HADHB: variants seen among roughly 807,000 people sequenced by gnomAD.
HADHB encodes the protein hydroxyacyl-CoA dehydrogenase trifunctional multienzyme complex subunit beta.
HADHB carries 50 observed loss-of-function variants against 61.9 expected under a neutral mutation model. The observed-to-expected ratio is 0.81, with a 90% CI of 0.64 to 1.02. The LOEUF is 1.02. Ranked by LOEUF, HADHB falls within the 50% of genes least tolerant of loss-of-function variation. HADHB has a pLI of 0.00. For synonymous variants in HADHB, 191 were observed against 201.6 expected (o/e 0.95, Z 0.45); for missense variants, 504 against 586.5 (o/e 0.86, Z 1.45).
chr2:26,248,831 C>G (rs1481839160), intron 1 of HADHB, among the ~76,000 whole-genome samples: 1 of 152,102 alleles, frequency 6.6e-6, no homozygotes, highest in Non-Finnish European at 1.5e-5. Flanking sequence ...CAGAGGCGGG[C>G]GGATCACCTG....
At position 26,289,955 on chromosome 2, in the gene HADHB, A is replaced by G; in HGVS notation, c.*2A>G. ...ATAGTGGAAGCTTATCCAAAATAAT[A>G]GATCCAGAAGAAGTGACCTGAAGTT... is the stretch of plus-strand genomic sequence containing the variant. On this transcript the variant is annotated 3_prime_UTR_variant, in exon 16 of 16. Coordinates refer to ENST00000317799, the MANE Select transcript of HADHB (RefSeq NM_000183.3). 6.2e-7 allele frequency: 1 copy of G among 1,601,720 alleles called. No homozygotes were observed. Among genetic ancestry groups the G allele is most frequent in the East Asian group, 2.2e-5 (1 of 44,818 alleles).
intron 4 of HADHB, among the ~76,000 whole-genome samples, chr2:26,266,886 A>AG (rs1245361262): frequency 1.5e-4 from 23 of 150,118 alleles, no homozygotes; most frequent in African/African-American, 5.6e-4. Flanking sequence ...AAAAAAAAAA[A>AG]AAAAAAAAGG....
chr2:26,271,782 A>C (rs1049314046), intron 5 of HADHB, among the ~76,000 whole-genome samples: 2 of 151,652 alleles, frequency 1.3e-5, no homozygotes, highest in African/African-American at 4.8e-5. Flanking sequence ...CCATCTCTAC[A>C]AAAAAAAATT....
At chr2:26,284,227 A>G (rs1321846872) in intron 13 of HADHB, 23 bp downstream of exon 13, 7 of 1,174,924 alleles carry the variant, frequency 6.0e-6, no homozygotes, top group East Asian at 2.3e-5. Flanking sequence ...AAAGACACAT[A>G]TGAAGGGACT....
intron 3 of HADHB, among the ~76,000 whole-genome samples, chr2:26,262,077 C>T (rs922900930): frequency 2.6e-5 from 4 of 152,138 alleles, no homozygotes; most frequent in Non-Finnish European, 4.4e-5. Flanking sequence ...ATGCTGCCAG[C>T]GTCATCTTTA....
intron 15 of HADHB, 146 bp from the exon 16 acceptor site, chr2:26,289,772 C>A: frequency 1.3e-6 from 1 of 747,884 alleles, no homozygotes; most frequent in East Asian, 2.5e-5. Context: ...AGACTGACTA[C>A]AAACTTTCCC....
chr2:26,261,143 G>A, intron 3 of HADHB: 1 of 760,374 alleles, frequency 1.3e-6, no homozygotes, highest in Non-Finnish European at 2.2e-6. Context: ...CTTTGGCAGG[G>A]ACTGTAAGCA....
chr2:26,278,896 T>C, intron 8 of HADHB, 95 bp downstream of exon 8: 1 of 1,130,726 alleles, frequency 8.8e-7, no homozygotes, highest in Admixed American at 1.7e-5. Context: ...GTAGATTCTG[T>C]AGTTACAGGA....
At chr2:26,251,498 T>C (rs977908703) in intron 1 of HADHB, among the ~76,000 whole-genome samples, 1 of 152,226 alleles carries the variant, frequency 6.6e-6, no homozygotes, top group African/African-American at 2.4e-5. Flanking sequence ...TAGAAAGTTT[T>C]GTTATCTGTT....
At chr2:26,278,446 G>A (rs1672646314) in intron 7 of HADHB, among the ~76,000 whole-genome samples, 168 bp from the exon 8 acceptor site, 1 of 152,192 alleles carries the variant, frequency 6.6e-6, no homozygotes, top group African/African-American at 2.4e-5. Context: ...TGTGTTTTTA[G>A]TCATTTAAGA....
At chr2:26,256,143 C>CA (rs963500134) in intron 3 of HADHB, among the ~76,000 whole-genome samples, 16 of 152,210 alleles carry the variant, frequency 1.1e-4, no homozygotes, top group Non-Finnish European at 4.4e-5. Context: ...GCAAATATAA[C>CA]AGTGTCCCAC....
At chr2:26,265,458 T>C (rs573414484) in intron 4 of HADHB, among the ~76,000 whole-genome samples, 1 of 152,152 alleles carries the variant, frequency 6.6e-6, no homozygotes, top group East Asian at 1.9e-4. Context: ...TAGCTAGGTG[T>C]GGTGGTGCAT....
intron 1 of HADHB, among the ~76,000 whole-genome samples, chr2:26,253,864 A>ATAAATAAG (rs1671501833): frequency 8.1e-6 from 1 of 123,678 alleles, no homozygotes; most frequent in Admixed American, 7.9e-5. Flanking sequence ...AAAAAAATAA[A>ATAAATAAG]TAAATAAATA....
intron 10 of HADHB, 51 bp downstream of exon 10, chr2:26,280,166 T>G: frequency 1.4e-6 from 2 of 1,447,126 alleles, no homozygotes; most frequent in Non-Finnish European, 1.9e-6. Context: ...ATTTCTGTAC[T>G]CTCTGTAGAA....
intron 10 of HADHB, among the ~76,000 whole-genome samples, chr2:26,280,531 A>AG (rs983886023): frequency 2.6e-5 from 4 of 152,188 alleles, no homozygotes; most frequent in African/African-American, 9.7e-5. Flanking sequence ...TTGAAGGAAG[A>AG]GTAAAAGCCA....
Position 26,282,931 on chromosome 2 carries a change from TA to T in HADHB, c.1013+10del. On this transcript the variant is annotated splice_region_variant and intron_variant, in intron 11 of 15. Coordinates refer to ENST00000317799, the MANE Select transcript of HADHB (RefSeq NM_000183.3). ...AGCCGAAGGCATATTTGAGGTAAAGTAAATGTTCAAACAAATCATCTCTGAT... is the reference window on the plus strand; with the variant it reads ...AGCCGAAGGCATATTTGAGGTAAAGTAATGTTCAAACAAATCATCTCTGAT... The T allele has an allele frequency of 6.2e-7, 1 of 1,608,720 alleles. No individual in the cohort carries two copies. Among genetic ancestry groups the T allele is most frequent in the Non-Finnish European group, 8.5e-7 (1 of 1,175,046 alleles).
Position 26,278,742 on chromosome 2 carries a change from T to C in HADHB, c.571T>C (p.Ser191Pro). ...KLMLDLNKAK[S>P]MGQRLSLISK... is the part of the protein sequence containing the mutation. The stretch of plus-strand genomic sequence containing the variant: ...GATGCTTGATCTCAATAAGGCCAAA[T>C]CTATGGGCCAGCGACTGTCTTTAAT... The change falls in exon 8 of 16, where the codon TCT (serine) becomes CCT (proline). Residue 191 changes from serine (S) to proline (P), a missense_variant. Coordinates refer to ENST00000317799, the MANE Select transcript of HADHB (RefSeq NM_000183.3). 1 of 1,614,050 alleles carries C rather than the reference T, an allele frequency of 6.2e-7. No individual in the cohort carries two copies.
At chr2:26,245,259 T>TGG (rs201210396) in intron 1 of HADHB, 8 of 169,110 alleles carry the variant, frequency 4.7e-5, no homozygotes, top group African/African-American at 1.4e-4. Context: ...TCTGGGGGTG[T>TGG]GGGGGTGTGT....
chr2:26,266,086 C>CA (rs956042417), intron 4 of HADHB, among the ~76,000 whole-genome samples: 27 of 142,758 alleles, frequency 1.9e-4, no homozygotes, highest in Admixed American at 9.8e-4. Context: ...CCTATCTCTA[C>CA]AAAAAAAAGA....
Sources: allele counts gnomAD v4.1 joint callset (sites outside exome capture counted in the v4.1 genomes callset), GRCh38; gene constraint gnomAD v4.1.1; transcripts MANE v1.5; gene names NCBI Gene and HGNC (gene_info 2026-07-23, HGNC 2026-07-21).